The following KATNIP variants were observed in gnomAD, a reference collection of about 807,000 sequenced individuals.
The protein encoded by KATNIP is katanin interacting protein.
A neutral mutation model predicts 174.0 loss-of-function variants in KATNIP; 126 were observed. The observed-to-expected ratio is 0.72, with a 90% confidence interval of 0.63 to 0.84. The LOEUF is 0.84. KATNIP is among the 40% of genes least tolerant of loss of function. KATNIP has a pLI of 0.00. For missense variants in KATNIP, 1,958 were observed against 2,109.7 expected (o/e 0.93, Z 1.41); for synonymous variants, 810 against 835.7 (o/e 0.97, Z 0.53).
chr16:27,730,739 G>A (rs2080643797), intron 14 of KATNIP, among the ~76,000 whole-genome samples: 1 of 152,144 alleles, frequency 6.6e-6, no homozygotes, highest in Non-Finnish European at 1.5e-5. Flanking sequence ...CACCCTTCCT[G>A]GCATCAAGTC....
chr16:27,709,104 A>G (rs374264342), intron 13 of KATNIP, 184 bp downstream of exon 13: 366 of 545,488 alleles, frequency 6.7e-4, no homozygotes, highest in African/African-American at 5.0e-3. Context: ...GGATCATTTG[A>G]GGTCAGGAGT....
chr16:27,728,023 T>C (rs1224977712), intron 14 of KATNIP: 1 of 152,274 alleles, frequency 6.6e-6, no homozygotes, highest in Non-Finnish European at 1.5e-5. Flanking sequence ...TGTTTGGATC[T>C]GATACAAACC....
At chr16:27,643,148 A>G (rs1413580459) in intron 5 of KATNIP, 1 of 152,236 alleles carries the variant, frequency 6.6e-6, no homozygotes, top group East Asian at 1.9e-4. Context: ...TGCAAAGTCT[A>G]AAATCCTTCT....
At chr16:27,770,096 A>G (rs1228796296) in intron 21 of KATNIP, 78 bp downstream of exon 21, 4 of 1,487,618 alleles carry the variant, frequency 2.7e-6, no homozygotes, top group African/African-American at 1.4e-5. Flanking sequence ...TCTGATGTAC[A>G]TTCCGAAAGG....
chr16:27,653,320 T>C (rs2142380175), intron 6 of KATNIP, among the ~76,000 whole-genome samples: 1 of 152,070 alleles, frequency 6.6e-6, no homozygotes, highest in East Asian at 1.9e-4. Context: ...TGGCATGGGG[T>C]GAGTCTGGTT....
chr16:27,757,636 T>C (rs1241178912), intron 18 of KATNIP: 3 of 519,550 alleles, frequency 5.8e-6, no homozygotes, highest in Non-Finnish European at 7.4e-6. Flanking sequence ...TCTTCTCTTC[T>C]CAGTAGGAAG....
chr16:27,552,894 A>G (rs778940044), intron 1 of KATNIP, among the ~76,000 whole-genome samples: 8 of 151,278 alleles, frequency 5.3e-5, no homozygotes, highest in African/African-American at 7.3e-5. Flanking sequence ...GGGTTTCTCT[A>G]TGTTGGTCAG....
intron 3 of KATNIP, among the ~76,000 whole-genome samples, chr16:27,624,014 G>A (rs571373993): frequency 8.5e-5 from 13 of 152,174 alleles, no homozygotes; most frequent in South Asian, 6.2e-4. Flanking sequence ...TAAAGATGCC[G>A]GCACCTCCCT....
intron 22 of KATNIP, among the ~76,000 whole-genome samples, chr16:27,772,404 G>A (rs113292258): frequency 1.3e-5 from 2 of 152,232 alleles, no homozygotes; most frequent in Non-Finnish European, 1.5e-5. Context: ...TCTAAGGCCC[G>A]CTCTCTAGCC....
chr16:27,625,552 G>A (rs1396654513), intron 3 of KATNIP, among the ~76,000 whole-genome samples: 6 of 152,170 alleles, frequency 3.9e-5, no homozygotes, highest in East Asian at 3.8e-4. Flanking sequence ...TTTTTCTTCC[G>A]TTTTATGTTG....
At chr16:27,734,240 G>A (rs1238485991) in intron 14 of KATNIP, among the ~76,000 whole-genome samples, 2 of 151,630 alleles carry the variant, frequency 1.3e-5, no homozygotes, top group African/African-American at 2.4e-5. Context: ...CTGCCACCAC[G>A]CCTGGCTAAT....
chr16:27,628,993 C>CCCTA (rs2076410929), intron 4 of KATNIP, among the ~76,000 whole-genome samples, 163 bp downstream of exon 4: 2 of 151,968 alleles, frequency 1.3e-5, no homozygotes, highest in Admixed American at 6.6e-5. Context: ...CATGGTGAAA[C>CCCTA]CCTATCTCTA....
At chr16:27,592,270 C>CTTTTTTTTTTTTTTTTT (rs71137799) in intron 2 of KATNIP, among the ~76,000 whole-genome samples, 1 of 44,780 alleles carries the variant, frequency 2.2e-5, no homozygotes, top group African/African-American at 9.3e-5. Context: ...GCATATATTA[C>CTTTTTTTTTTTTTTTTT]TTTTTTTTTT....
intron 2 of KATNIP, among the ~76,000 whole-genome samples, chr16:27,576,637 A>C (rs1567453078): frequency 6.6e-6 from 1 of 151,862 alleles, no homozygotes; most frequent in Admixed American, 6.6e-5. Flanking sequence ...TAAAAACAAA[A>C]AAACAAACAA....
intron 1 of KATNIP, among the ~76,000 whole-genome samples, chr16:27,557,142 AT>A (rs369925365): frequency 3.3e-3 from 453 of 137,796 alleles, no homozygotes; most frequent in Middle Eastern, 7.6e-3. Context: ...TGTGAAGTTG[AT>A]TTTTTTTTTT....
intron 1 of KATNIP, among the ~76,000 whole-genome samples, chr16:27,554,042 G>A (rs1426101215): frequency 2.0e-5 from 3 of 150,834 alleles, no homozygotes; most frequent in African/African-American, 2.4e-5. Context: ...AAGGAAGGAG[G>A]AAAGAAGGGA....
intron 1 of KATNIP, among the ~76,000 whole-genome samples, chr16:27,551,109 A>C (rs2089341621): frequency 1.3e-5 from 2 of 152,170 alleles, no homozygotes; most frequent in South Asian, 4.1e-4. Context: ...CCCTGATTAG[A>C]GTCATGGTAT....
At chr16:27,558,143 TTTTG>T (rs758078302) in intron 1 of KATNIP, among the ~76,000 whole-genome samples, 3 of 152,144 alleles carry the variant, frequency 2.0e-5, no homozygotes, top group Admixed American at 6.5e-5. Context: ...TACTTATTCT[TTTTG>T]TTTGTTTTTT....
chr16:27,599,928 G>C (rs912684962), intron 2 of KATNIP, among the ~76,000 whole-genome samples: 1 of 152,120 alleles, frequency 6.6e-6, no homozygotes, highest in Admixed American at 6.6e-5. Flanking sequence ...ACTTTGCTTT[G>C]AGCACTCTCC....
Sources: allele counts gnomAD v4.1 joint callset (sites outside exome capture counted in the v4.1 genomes callset), GRCh38; gene constraint gnomAD v4.1.1; transcripts MANE v1.5; gene names NCBI Gene and HGNC (gene_info 2026-07-23, HGNC 2026-07-21).